TMX2: variants seen among roughly 807,000 people sequenced by gnomAD.
The protein encoded by TMX2 is thioredoxin related transmembrane protein 2.
A neutral mutation model predicts 33.4 loss-of-function variants in TMX2; 20 were observed. That is an observed-to-expected ratio of 0.60 (90% confidence interval 0.42 to 0.87). The LOEUF is 0.87. Among genes scored for constraint, TMX2 ranks in the 40% least tolerant of loss-of-function variants. The pLI, the probability that TMX2 is intolerant of heterozygous loss-of-function variation, is 0.00. For missense variants in TMX2, 340 were observed against 370.7 expected (o/e 0.92, Z 0.68); for synonymous variants, 166 against 140.7 (o/e 1.18, Z -1.27).
chr11:57,738,653 G>A lies in TMX2; in HGVS notation c.442-11G>A, dbSNP rs779522943. On this transcript the variant is annotated splice_polypyrimidine_tract_variant and intron_variant, in intron 4 of 7. Coordinates refer to ENST00000278422, the MANE Select transcript of TMX2 (RefSeq NM_015959.4). ...TGGATCCAGCTGACTTTTCTTCCCTGTATTTGGCAGGAGGAACTAGAACGG... is the reference window on the plus strand; with the variant it reads ...TGGATCCAGCTGACTTTTCTTCCCTATATTTGGCAGGAGGAACTAGAACGG... 13 of 1,612,260 alleles carry A rather than the reference G, an allele frequency of 8.1e-6. No homozygotes were observed. The East Asian group carries it at 1.6e-4, about 19-fold the overall frequency.
At chr11:57,737,745 T>G (rs771961502) in intron 2 of TMX2, 77 bp downstream of exon 2, 9 of 1,566,114 alleles carry the variant, frequency 5.7e-6, no homozygotes, top group Non-Finnish European at 7.9e-6. Flanking sequence ...GTTAAGAGAG[T>G]GGCAATCATT....
intron 1 of TMX2, among the ~76,000 whole-genome samples, chr11:57,717,276 A>G (rs1947181190): frequency 6.6e-6 from 1 of 151,388 alleles, no homozygotes; most frequent in African/African-American, 2.4e-5. Flanking sequence ...CCAGGCAGAG[A>G]CGCTCCTCAC....
Position 57,738,785 on chromosome 11 carries a change from G to A in TMX2, c.548+15G>A. The A allele has an allele frequency of 1.2e-6, 2 of 1,605,180 alleles. No individual in the cohort carries two copies. The highest frequency in any genetic ancestry group is 1.7e-6 in the Non-Finnish European group (2 of 1,171,784). ...CTCTCCCTTAAGTGAGTAGTGCAAAGGGAGGGATGGTGGAAATGGAGATGC... is the reference window on the plus strand; with the variant it reads ...CTCTCCCTTAAGTGAGTAGTGCAAAAGGAGGGATGGTGGAAATGGAGATGC... On this transcript the variant is annotated intron_variant, in intron 5 of 7. Transcript: ENST00000278422.
At chr11:57,723,127 T>C (rs1462474329) in intron 1 of TMX2, among the ~76,000 whole-genome samples, 1 of 151,662 alleles carries the variant, frequency 6.6e-6, no homozygotes, top group Non-Finnish European at 1.5e-5. Context: ...AATAAATAAA[T>C]AAATAAACAC....
At chr11:57,719,895 C>G (rs1017200864) in intron 1 of TMX2, among the ~76,000 whole-genome samples, 10 of 152,028 alleles carry the variant, frequency 6.6e-5, no homozygotes, top group African/African-American at 2.4e-4. Context: ...ACTGGTTGTT[C>G]CATGTATTTC....
chr11:57,739,528 C>G (rs1948957454), intron 7 of TMX2, among the ~76,000 whole-genome samples: 2 of 152,166 alleles, frequency 1.3e-5, no homozygotes, highest in Non-Finnish European at 2.9e-5. Flanking sequence ...GAGGCCGAGG[C>G]TGGCAGATCA....
chr11:57,732,494 A>G lies in TMX2; in HGVS notation c.190-5114A>G, dbSNP rs143851742. ...GACCCCAAAATATAAGTGGATAGTA[A>G]TAAAGATTTTTAATAAGTATAGGAG... On this transcript the variant is annotated intron_variant, in intron 1 of 7. Transcript: ENST00000278422. Among the ~76,000 whole-genome samples, 1,007 of 152,326 alleles carry G rather than the reference A, an allele frequency of 6.6e-3. 12 individuals are homozygous for G. The highest frequency in any genetic ancestry group is 0.022 in the African/African-American group (930 of 41,566).
chr11:57,733,613 T>C (rs542497636), intron 1 of TMX2, among the ~76,000 whole-genome samples: 1 of 151,906 alleles, frequency 6.6e-6, no homozygotes, highest in African/African-American at 2.4e-5. Flanking sequence ...AAAGTTTCTC[T>C]AAGAAAAAAA....
intron 1 of TMX2, among the ~76,000 whole-genome samples, chr11:57,713,539 A>C (rs1422164359): frequency 2.6e-5 from 4 of 152,130 alleles, no homozygotes; most frequent in Non-Finnish European, 5.9e-5. Context: ...AACTTAAAGC[A>C]CTTTCCCTTC....
intron 1 of TMX2, among the ~76,000 whole-genome samples, chr11:57,736,425 G>A (rs1948754773): frequency 6.6e-6 from 1 of 152,052 alleles, no homozygotes; most frequent in African/African-American, 2.4e-5. Flanking sequence ...AGCCATCCTG[G>A]GCTGCATGTG....
chr11:57,736,583 G>A (rs1948764842), intron 1 of TMX2, among the ~76,000 whole-genome samples: 1 of 151,704 alleles, frequency 6.6e-6, no homozygotes, highest in Non-Finnish European at 1.5e-5. Context: ...ATATTGGGTG[G>A]GGAGGAATGA....
chr11:57,718,525 G>T, intron 1 of TMX2: 1 of 732,882 alleles, frequency 1.4e-6, no homozygotes. Context: ...ACACGGGGTT[G>T]ACCATGGCTG....
At chr11:57,722,000 A>G (rs536948656) in intron 1 of TMX2, among the ~76,000 whole-genome samples, 6 of 152,080 alleles carry the variant, frequency 3.9e-5, no homozygotes, top group Non-Finnish European at 7.4e-5. Flanking sequence ...AATTAATTTT[A>G]AAAATTGAGG....
chr11:57,739,015 G>GAC lies in TMX2; in HGVS notation c.591_592dup (p.Arg198HisfsTer12). ...CTAAATTTTGGGAAGGTGGATGTTG[G>GAC]ACGCTATACTGATGTTAGTACGCGG... On this transcript the variant is annotated frameshift_variant, in exon 6 of 8. Coordinates refer to ENST00000278422, the MANE Select transcript of TMX2 (RefSeq NM_015959.4). LOFTEE classifies it high-confidence loss of function. 1 of 1,614,106 alleles carries GAC rather than the reference G, an allele frequency of 6.2e-7. No individual in the cohort carries two copies. The highest frequency in any genetic ancestry group is 8.5e-7 in the Non-Finnish European group (1 of 1,180,032).
chr11:57,717,994 C>T (rs949189695), intron 1 of TMX2: 9 of 789,696 alleles, frequency 1.1e-5, no homozygotes, highest in Admixed American at 3.4e-5. Flanking sequence ...GAGAGGAGAG[C>T]ACAGAAGGAA....
At chr11:57,714,099 G>A (rs574130725) in intron 1 of TMX2, among the ~76,000 whole-genome samples, 1 of 152,268 alleles carries the variant, frequency 6.6e-6, no homozygotes, top group South Asian at 2.1e-4. Context: ...CCATATTTTG[G>A]GGTGTGAGTC....
Position 57,737,162 on chromosome 11 carries a change from G to A in TMX2, c.190-446G>A, listed in dbSNP as rs1339973985. Among the ~76,000 whole-genome samples, 5 of 152,174 alleles carry A rather than the reference G, an allele frequency of 3.3e-5. No individual in the cohort carries two copies. In the East Asian group the frequency reaches 5.8e-4, roughly 18 times the overall value. On this transcript the variant is annotated intron_variant, in intron 1 of 7. Coordinates refer to ENST00000278422, the MANE Select transcript of TMX2 (RefSeq NM_015959.4). ...TTGAAAAGCACCGCAGGCCTGGCGCGGTGGCTCGTGCCTGTAATCTCAGCA... is the reference window on the plus strand; with the variant it reads ...TTGAAAAGCACCGCAGGCCTGGCGCAGTGGCTCGTGCCTGTAATCTCAGCA...
chr11:57,740,603 C>T lies in TMX2; in HGVS notation c.*358C>T, dbSNP rs146846207. The T allele has an allele frequency of 8.9e-4, 165 of 185,386 alleles. 5 individuals are homozygous for T. In the East Asian group the frequency reaches 0.02, roughly 22 times the overall value. 11.5% of individuals were successfully genotyped at this position (185,386 alleles called of 1,614,324 possible). A position where few individuals can be genotyped will look rare whatever the true frequency, so the allele number is the denominator to read the frequency against. On this transcript the variant is annotated 3_prime_UTR_variant, in exon 8 of 8. Coordinates refer to ENST00000278422, the MANE Select transcript of TMX2 (RefSeq NM_015959.4). ...ATCATTCCTTCTTAGTTGACCTGCA[C>T]AGCTTGGTTAGACCTAGATTTAACC... is the stretch of plus-strand genomic sequence containing the variant.
At chr11:57,720,265 C>G (rs1947527339) in intron 1 of TMX2, among the ~76,000 whole-genome samples, 1 of 152,010 alleles carries the variant, frequency 6.6e-6, no homozygotes, top group Non-Finnish European at 1.5e-5. Flanking sequence ...ATTAAACTCT[C>G]TAGTCTTTGG....
Sources: allele counts gnomAD v4.1 joint callset (sites outside exome capture counted in the v4.1 genomes callset), GRCh38; gene constraint gnomAD v4.1.1; transcripts MANE v1.5; gene names NCBI Gene and HGNC (gene_info 2026-07-23, HGNC 2026-07-21).